The following ZBTB1 variants were observed in gnomAD, a reference collection of about 807,000 sequenced individuals.
The protein encoded by ZBTB1 is zinc finger and BTB domain containing 1, also known as zinc finger and BTB domain-containing protein 1.
In ZBTB1, 13 loss-of-function variants were observed where a neutral mutation model predicts 51.6. The ratio of observed to expected loss-of-function variants is 0.25; its 90% CI spans 0.16 to 0.40. The LOEUF (loss-of-function observed/expected upper bound fraction) is 0.40, where lower values mean the gene tolerates loss of function less well. Ranked by LOEUF, ZBTB1 falls within the 10% of genes least tolerant of loss-of-function variation. The pLI is 1.00. For synonymous variants in ZBTB1, 240 were observed against 282.2 expected (o/e 0.85, Z 1.50); for missense variants, 567 against 856.5 (o/e 0.66, Z 4.22).
chr14:64,531,588 C>G, intron 2 of ZBTB1, among the ~76,000 whole-genome samples: 1 of 152,176 alleles, frequency 6.6e-6, no homozygotes, highest in East Asian at 1.9e-4. Flanking sequence ...CTCTATTTGT[C>G]TGACCCCTAT....
At chr14:64,509,532 G>A (rs971610943) in intron 1 of ZBTB1, among the ~76,000 whole-genome samples, 1 of 152,120 alleles carries the variant, frequency 6.6e-6, no homozygotes, top group Non-Finnish European at 1.5e-5. Flanking sequence ...AAGTTTCTTA[G>A]AATGAACATG....
intron 1 of ZBTB1, among the ~76,000 whole-genome samples, chr14:64,518,904 G>GTATATATATATATATATATATATATATA (rs71123855): frequency 9.5e-5 from 9 of 95,124 alleles, no homozygotes; most frequent in African/African-American, 1.8e-4. Flanking sequence ...TTGCAGAGAG[G>GTATATATATATATATATATATATATATA]TATATATATA....
chr14:64,503,986 AG>A (rs2079589972), upstream of ZBTB1: 1 of 152,220 alleles, frequency 6.6e-6, no homozygotes, highest in East Asian at 1.9e-4. Context: ...GCGGAAGCAT[AG>A]GGACAAGCCT....
exon 3 of ZBTB1, chr14:64,532,844 G>A (rs761310988): frequency 6.6e-6 from 1 of 151,768 alleles, no homozygotes; most frequent in Non-Finnish European, 1.5e-5. Context: ...GGCTATAAAT[G>A]CTTTGTTTGA....
chr14:64,526,780 A>G (rs1334026024), downstream of ZBTB1, among the ~76,000 whole-genome samples: 1 of 152,098 alleles, frequency 6.6e-6, no homozygotes, highest in East Asian at 1.9e-4. Flanking sequence ...GGTGGTTTGC[A>G]TCTGTAGTTC....
In ZBTB1 at chr14:64,521,590, C is replaced by T. The variant is rs756458583; in HGVS notation, c.86C>T (p.Ala29Val). 3 of 1,614,212 alleles carry T rather than the reference C, an allele frequency of 1.9e-6. No individual in the cohort carries two copies. Among genetic ancestry groups the T allele is most frequent in the South Asian group, 1.1e-5 (1 of 91,088 alleles). Reference protein sequence around the residue: ...EWGFLCDCCIAIDDIYFQAHK... With the variant: ...EWGFLCDCCIVIDDIYFQAHK... ...GGTTTTCTCTGTGACTGCTGTATTG[C>T]AATTGATGACATTTACTTTCAAGCA... is the stretch of plus-strand genomic sequence containing the variant. The change falls in exon 2 of 2, where the codon GCA (alanine) becomes GTA (valine). Residue 29 changes from alanine to valine, a missense_variant. By Grantham distance (64) the Ala-to-Val change is moderately conservative. This residue lies in a region of ZBTB1 where 69 missense variants were observed against 136.4 expected (regional missense o/e 0.51). Transcript: ENST00000683701.
At chr14:64,510,655 C>A (rs2079715223) in intron 1 of ZBTB1, among the ~76,000 whole-genome samples, 2 of 152,082 alleles carry the variant, frequency 1.3e-5, no homozygotes, top group Non-Finnish European at 2.9e-5. Flanking sequence ...GTTGCTTGAA[C>A]ATGAAGTTTG....
At chr14:64,525,507 A>G (rs2140182671), downstream of ZBTB1, among the ~76,000 whole-genome samples, 1 of 152,336 alleles carries the variant, frequency 6.6e-6, no homozygotes, top group Non-Finnish European at 1.5e-5. Flanking sequence ...GAGATCAGAT[A>G]AACCAAGTTT....
At position 64,504,821 on chromosome 14, in the gene ZBTB1, G is replaced by C. The variant is rs1221168530; in HGVS notation, c.-144G>C. The C allele has an allele frequency of 5.1e-6, 2 of 389,756 alleles. No homozygotes were observed. Among genetic ancestry groups the C allele is most frequent in the African/African-American group, 2.1e-5 (1 of 48,072 alleles). 24.1% of individuals were successfully genotyped at this position (389,756 alleles called of 1,614,324 possible). On this transcript the variant is annotated 5_prime_UTR_variant, in exon 1 of 2. Transcript: ENST00000683701. The stretch of plus-strand genomic sequence containing the variant: ...AGAGCCTCTCCGCGCAGCCCAGCCC[G>C]AGCGCCGAGCGCCGCGCGCCGCCGC...
At chr14:64,515,808 G>A (rs147335288) in intron 1 of ZBTB1, among the ~76,000 whole-genome samples, 7 of 152,174 alleles carry the variant, frequency 4.6e-5, no homozygotes, top group Admixed American at 1.3e-4. Flanking sequence ...CGTGAGCCAC[G>A]GTGCCCGGCC....
At chr14:64,529,453 C>T (rs1363322794), downstream of ZBTB1, among the ~76,000 whole-genome samples, 2 of 151,968 alleles carry the variant, frequency 1.3e-5, no homozygotes, top group African/African-American at 2.4e-5. Context: ...CCTCTTTTTG[C>T]CTTAACAGAT....
In ZBTB1 at chr14:64,524,825, A is replaced by G; in HGVS notation, c.*1179A>G. The G allele has an allele frequency of 1.0e-6, 1 of 982,940 alleles. No homozygotes were observed. The highest frequency in any genetic ancestry group is 1.2e-6 in the Non-Finnish European group (1 of 827,648). 60.9% of individuals were successfully genotyped at this position (982,940 alleles called of 1,614,324 possible). A position where few individuals can be genotyped will look rare whatever the true frequency, so the allele number is the denominator to read the frequency against. ...AATCACAGAGTATATCAATGGAAAC[A>G]GTTTATCATTTTTTCAGTTAAAGTA... On this transcript the variant is annotated 3_prime_UTR_variant, in exon 2 of 2. Coordinates refer to ENST00000683701, the MANE Select transcript of ZBTB1 (RefSeq NM_001123329.2).
Position 64,523,227 on chromosome 14 carries a change from A to G in ZBTB1, c.1723A>G (p.Arg575Gly). 6.2e-7 allele frequency: 1 copy of G among 1,614,208 alleles called. No individual in the cohort carries two copies. The highest frequency in any genetic ancestry group is 8.5e-7 in the Non-Finnish European group (1 of 1,180,032). Residue 575 changes from arginine to glycine, a missense_variant, in exon 2 of 2, where the codon AGA (arginine) becomes GGA (glycine). Around this residue, in one of 5 missense-constraint regions of ZBTB1, gnomAD observed 329 missense variants for 406.3 expected, o/e 0.81. Coordinates refer to ENST00000683701, the MANE Select transcript of ZBTB1 (RefSeq NM_001123329.2). This position sits in a 1 kb window ranked among gnomAD's most constrained non-coding sequence, Gnocchi z 4.5. ...CATGGAAGAAAATGAAAGAGATCAC[A>G]GACGAAAGCATTTTTGTAATCTGTG... Reference protein sequence around the residue: ...AIMEENERDHRRKHFCNLCGK... With the variant: ...AIMEENERDHGRKHFCNLCGK...
At chr14:64,515,438 A>G (rs2079770246) in intron 1 of ZBTB1, among the ~76,000 whole-genome samples, 1 of 152,222 alleles carries the variant, frequency 6.6e-6, no homozygotes, top group South Asian at 2.1e-4. Context: ...GCATTAATAA[A>G]GAGGTCAAAA....
At chr14:64,512,771 C>T (rs922191061) in intron 1 of ZBTB1, among the ~76,000 whole-genome samples, 15 of 152,114 alleles carry the variant, frequency 9.9e-5, no homozygotes, top group African/African-American at 3.6e-4. Flanking sequence ...TCTTTGGGAG[C>T]CTCTACAACT....
chr14:64,523,487 GA>G lies in ZBTB1; in HGVS notation c.1984del (p.Thr662LeufsTer36). 6.2e-7 allele frequency: 1 copy of G among 1,613,082 alleles called. No individual in the cohort carries two copies. Among genetic ancestry groups the G allele is most frequent in the Non-Finnish European group, 8.5e-7 (1 of 1,179,416 alleles). On this transcript the variant is annotated frameshift_variant, in exon 2 of 2. Transcript: ENST00000683701. LOFTEE classifies it high-confidence loss of function. The surrounding 1 kb of genome is among the most constrained non-coding windows in gnomAD (Gnocchi z 4.5). ...HMISHLSAGETICQVCFQIFP... is the reference protein window; with the variant it reads ...HMISHLSAGEXICQVCFQIFP... The stretch of plus-strand genomic sequence containing the variant: ...TGATTTCTCATTTATCTGCTGGTGA[GA>G]CTATATGCCAGGTCTGCTTTCAGAT...
chr14:64,504,564 C>G (rs2079606582), upstream of ZBTB1: 1 of 201,518 alleles, frequency 5.0e-6, no homozygotes, highest in Admixed American at 6.0e-5. Context: ...CCAGCCTCCT[C>G]GGAGCTCGAC....
Position 64,524,425 on chromosome 14 carries a change from C to G in ZBTB1, c.*779C>G, listed in dbSNP as rs2079887548. ...ATGATAGTTAATTAAAAAGACATAT[C>G]TTGTATTCATTAAAAATATTTTAAT... is the stretch of plus-strand genomic sequence containing the variant. On this transcript the variant is annotated 3_prime_UTR_variant, in exon 2 of 2. Transcript: ENST00000683701. 1 of 774,920 alleles carries G rather than the reference C, an allele frequency of 1.3e-6. No individual in the cohort carries two copies. The highest frequency in any genetic ancestry group is 6.3e-5 in the Admixed American group (1 of 15,940). 48.0% of individuals were successfully genotyped at this position (774,920 alleles called of 1,614,324 possible). A position where few individuals can be genotyped will look rare whatever the true frequency, so the allele number is the denominator to read the frequency against.
chr14:64,531,791 T>G, intron 2 of ZBTB1: 1 of 1,587,418 alleles, frequency 6.3e-7, no homozygotes, highest in Non-Finnish European at 8.6e-7. Flanking sequence ...CTAAGAATTA[T>G]GTTGTATCTT....
Sources: allele counts gnomAD v4.1 joint callset (sites outside exome capture counted in the v4.1 genomes callset), GRCh38; gene constraint gnomAD v4.1.1; regional missense constraint gnomAD v4.1.1; non-coding constraint Gnocchi (gnomAD v3.1); transcripts MANE v1.5; gene names NCBI Gene and HGNC (gene_info 2026-07-23, HGNC 2026-07-21).